Variants in GCNT4 observed in about 807,000 individuals in gnomAD.
GCNT4 encodes beta-1,3-galactosyl-O-glycosyl-glycoprotein beta-1,6-N-acetylglucosaminyltransferase 4.
Under a neutral mutation model 31.3 loss-of-function variants are expected in GCNT4, and 17 were observed. The ratio of observed to expected loss-of-function variants is 0.54; its 90% CI spans 0.37 to 0.81. The LOEUF is 0.81. Among genes scored for constraint, GCNT4 ranks in the 40% least tolerant of loss-of-function variants. The probability of loss-of-function intolerance (pLI) is 0.00; values close to 1 mark genes in which losing one functional copy is unlikely to be tolerated. For missense variants in GCNT4, 503 were observed against 525.5 expected (o/e 0.96, Z 0.42); for synonymous variants, 158 against 190.6 (o/e 0.83, Z 1.41).
chr5:75,034,291 T>C (rs1398608837), intron 3 of GCNT4, among the ~76,000 whole-genome samples: 2 of 152,210 alleles, frequency 1.3e-5, no homozygotes, highest in East Asian at 1.9e-4. Context: ...CATTGGGCTC[T>C]GCAGGGGGTA....
downstream of GCNT4, among the ~76,000 whole-genome samples, chr5:75,021,454 G>C (rs4492095): frequency 0.39 from 59,787 of 152,074 alleles, 14,315 homozygotes; most frequent in African/African-American, 0.69. Flanking sequence ...CTTGGGTCAC[G>C]TGACCACCTC....
chr5:75,044,929 GC>G (rs762775588), intron 3 of GCNT4, among the ~76,000 whole-genome samples: 3 of 152,248 alleles, frequency 2.0e-5, no homozygotes, highest in East Asian at 3.9e-4. Context: ...CTAAGTCTCT[GC>G]CCCATATTAG....
At position 75,029,715 on chromosome 5, in the gene GCNT4, C is replaced by T; in HGVS notation, c.323G>A (p.Ser108Asn). 1 of 1,614,162 alleles carries T rather than the reference C, an allele frequency of 6.2e-7. No homozygotes were observed. The highest frequency in any genetic ancestry group is 8.5e-7 in the Non-Finnish European group (1 of 1,180,018). The change falls in exon 4 of 4, where the codon AGT becomes AAT. Residue 108 changes from serine (S) to asparagine (N), a missense_variant. Ser to Asn is a conservative substitution (Grantham distance 46). Transcript: ENST00000652361. ...TAGAGTCTGATAAATGTCACAATCA[C>T]TGGTCATTGCCACAACATCATCATC... is the stretch of plus-strand genomic sequence containing the variant. ...LEDDDVVAMTSDCDIYQTLRG... is the reference protein window; with the variant it reads ...LEDDDVVAMTNDCDIYQTLRG...
the GCNT4 span, among the ~76,000 whole-genome samples, chr5:75,018,009 C>G: frequency 6.6e-6 from 1 of 152,192 alleles, no homozygotes; most frequent in African/African-American, 2.4e-5. Flanking sequence ...AGAAATGCAG[C>G]AACTCAGGCC....
chr5:75,054,021 A>G (rs1743654022), upstream of GCNT4, among the ~76,000 whole-genome samples: 1 of 151,810 alleles, frequency 6.6e-6, no homozygotes, highest in African/African-American at 2.4e-5. Flanking sequence ...TCGCCCAACC[A>G]GACAGAAGGC....
chr5:75,043,981 C>T (rs1293620608), intron 3 of GCNT4, among the ~76,000 whole-genome samples: 1 of 152,130 alleles, frequency 6.6e-6, no homozygotes, highest in Non-Finnish European at 1.5e-5. Flanking sequence ...AAGCAGATGC[C>T]AAGATTTACC....
chr5:75,029,117 TAAAAC>T lies in GCNT4; in HGVS notation c.916_920del (p.Val306LysfsTer6), dbSNP rs1199785438. Reference sequence around the variant, plus strand: ...AAATATATTTAACAAATGCTTGACTTAAAACAAAATAAGCACTGCCAACAAATATC... The same window carrying T: ...AAATATATTTAACAAATGCTTGACTTAAAATAAGCACTGCCAACAAATATC... On this transcript the variant is annotated frameshift_variant, in exon 4 of 4. Coordinates refer to ENST00000652361, the MANE Select transcript of GCNT4 (RefSeq NM_001366737.1). LOFTEE classifies it high-confidence loss of function. 1 of 1,614,056 alleles carries T rather than the reference TAAAAC, an allele frequency of 6.2e-7. No individual in the cohort carries two copies. The highest frequency in any genetic ancestry group is 8.5e-7 in the Non-Finnish European group (1 of 1,179,984).
At chr5:75,030,219 T>A in intron 3 of GCNT4, 181 bp from the exon 4 acceptor site, 1 of 606,500 alleles carries the variant, frequency 1.6e-6, no homozygotes, top group Non-Finnish European at 2.9e-6. Flanking sequence ...AGAATGGTGG[T>A]ATTTTGGGGT....
Position 75,029,586 on chromosome 5 carries a change from T to C in GCNT4, c.452A>G (p.His151Arg), listed in dbSNP as rs373804542. The change falls in exon 4 of 4, where the codon CAT becomes CGT. Residue 151 changes from histidine (H) to arginine (R), a missense_variant. Coordinates refer to ENST00000652361, the MANE Select transcript of GCNT4 (RefSeq NM_001366737.1). ...KDAIMVERLI[H>R]AIYNQHNIYC... ...AATATTGTGCTGGTTGTATATAGCA[T>C]GGATAAGCCTTTCAACCATAATTGC... 44 of 1,614,196 alleles carry C rather than the reference T, an allele frequency of 2.7e-5. No individual in the cohort carries two copies. Among genetic ancestry groups the C allele is most frequent in the African/African-American group, 8.0e-5 (6 of 75,072 alleles).
In GCNT4 at chr5:75,030,040, T is replaced by C; in HGVS notation, c.-1-2A>G. 6.3e-7 allele frequency: 1 copy of C among 1,581,042 alleles called. No individual in the cohort carries two copies. Among genetic ancestry groups the C allele is most frequent in the Non-Finnish European group, 8.6e-7 (1 of 1,166,656 alleles). Reference sequence around the variant, plus strand: ...AAATAACATTTGAATATCTTCATTCTGTAAGAGGAGAAAGAAATAATCCAG... The same window carrying C: ...AAATAACATTTGAATATCTTCATTCCGTAAGAGGAGAAAGAAATAATCCAG... On this transcript the variant is annotated splice_acceptor_variant, in intron 3 of 3. Transcript: ENST00000652361. LOFTEE classifies it low-confidence loss of function (5UTR_SPLICE).
upstream of GCNT4, among the ~76,000 whole-genome samples, chr5:75,053,860 C>A (rs1580251312): frequency 2.0e-5 from 3 of 152,220 alleles, no homozygotes; most frequent in Admixed American, 1.3e-4. Context: ...ACGTTCGGTT[C>A]CCTCCCACAT....
rs1420565434 is a variant in GCNT4 at position 75,028,965 on chromosome 5, T to C, written c.1073A>G (p.Asp358Gly). 6.2e-7 allele frequency: 1 copy of C among 1,613,960 alleles called. No homozygotes were observed. The highest frequency in any genetic ancestry group is 8.5e-7 in the Non-Finnish European group (1 of 1,179,994). Reference protein sequence around the residue: ...IPGEISRSAQDVSDLQSKTRL... With the variant: ...IPGEISRSAQGVSDLQSKTRL... ...AGTCTTACTCTGCAGATCAGACACA[T>C]CCTGGGCTGATCTGGAAATCTCCCC... Residue 358 changes from aspartate (D) to glycine (G), a missense_variant, in exon 4 of 4, where the codon GAT becomes GGT. Transcript: ENST00000652361.
At chr5:75,017,851 A>G in the GCNT4 span, among the ~76,000 whole-genome samples, 1 of 152,136 alleles carries the variant, frequency 6.6e-6, no homozygotes, top group Non-Finnish European at 1.5e-5. Flanking sequence ...GCTCCTATGA[A>G]TCCCTGCACC....
At chr5:75,044,006 G>C (rs1271014835) in intron 3 of GCNT4, among the ~76,000 whole-genome samples, 4 of 152,168 alleles carry the variant, frequency 2.6e-5, no homozygotes, top group Non-Finnish European at 5.9e-5. Context: ...TAACTCTGAT[G>C]TTGGCAAGAA....
intron 3 of GCNT4, among the ~76,000 whole-genome samples, chr5:75,046,577 C>T (rs1196169126): frequency 6.6e-6 from 1 of 152,052 alleles, no homozygotes; most frequent in Non-Finnish European, 1.5e-5. Flanking sequence ...CTAACCTACC[C>T]AAGAGCAGAC....
chr5:75,030,259 A>G (rs1743033127), intron 3 of GCNT4: 1 of 498,304 alleles, frequency 2.0e-6, no homozygotes, highest in Admixed American at 3.8e-5. Flanking sequence ...TAATTTTGAG[A>G]GATGTTGGTT....
At chr5:75,049,519 A>G (rs946663034) in intron 2 of GCNT4, among the ~76,000 whole-genome samples, 13 of 152,326 alleles carry the variant, frequency 8.5e-5, no homozygotes, top group Non-Finnish European at 1.9e-4. Flanking sequence ...TTTCTCTTAT[A>G]TACTTGAAGC....
Position 75,026,352 on chromosome 5 carries a change from G to T in GCNT4, c.*2324C>A, listed in dbSNP as rs1023124299. 6.6e-6 allele frequency: 1 copy of T among 152,080 alleles called. No individual in the cohort carries two copies. Among genetic ancestry groups the T allele is most frequent in the Non-Finnish European group, 1.5e-5 (1 of 68,020 alleles). The allele number at this position is 152,080 out of a possible 1,614,324, so 9.4% of individuals were successfully genotyped here. A position where few individuals can be genotyped will look rare whatever the true frequency, so the allele number is the denominator to read the frequency against. ...ATCCTAGATGGTGGGAAAAGTATTT[G>T]TAGCCCCATTCTCAATGTGTCACTG... On this transcript the variant is annotated 3_prime_UTR_variant, in exon 4 of 4. Coordinates refer to ENST00000652361, the MANE Select transcript of GCNT4 (RefSeq NM_001366737.1).
chr5:75,051,905 T>C (rs1743579246), intron 2 of GCNT4, among the ~76,000 whole-genome samples: 1 of 152,266 alleles, frequency 6.6e-6, no homozygotes, highest in African/African-American at 2.4e-5. Flanking sequence ...GTTTCTCTCC[T>C]GATACCAGAA....
Sources: gnomAD v4.1 joint callset for allele counts (sites outside exome capture counted in the v4.1 genomes callset) on GRCh38, gnomAD v4.1.1 for gene constraint, MANE v1.5 for transcripts, NCBI Gene and HGNC (gene_info 2026-07-23, HGNC 2026-07-21) for gene names.